Variants in GAPVD1 observed in about 807,000 individuals in gnomAD.
GAPVD1 encodes GTPase activating protein and VPS9 domains 1.
Under a neutral mutation model 155.5 loss-of-function variants are expected in GAPVD1, and 35 were observed. The observed-to-expected ratio is 0.23, with a 90% CI of 0.17 to 0.30. The LOEUF (loss-of-function observed/expected upper bound fraction) is 0.30. Ranked by LOEUF, GAPVD1 falls within the 10% of genes least tolerant of loss-of-function variation. The pLI, the probability that GAPVD1 is intolerant of heterozygous loss-of-function variation, is 1.00. For missense variants in GAPVD1, 1,429 were observed against 1,775.7 expected (o/e 0.80, Z 3.51); for synonymous variants, 636 against 619.7 (o/e 1.03, Z -0.39).
At chr9:125,328,792 C>T (rs1845599757) in intron 12 of GAPVD1, among the ~76,000 whole-genome samples, 1 of 151,600 alleles carries the variant, frequency 6.6e-6, no homozygotes, top group Admixed American at 6.6e-5. Context: ...CAGAGGCGCC[C>T]CTCACCTCCC....
chr9:125,306,955 C>T (rs918707123), intron 6 of GAPVD1, among the ~76,000 whole-genome samples: 1 of 152,062 alleles, frequency 6.6e-6, no homozygotes, highest in African/African-American at 2.4e-5. Context: ...CATGGTGAAA[C>T]CCCATCTCTA....
At chr9:125,315,834 T>C (rs542821983) in intron 9 of GAPVD1, among the ~76,000 whole-genome samples, 2 of 152,162 alleles carry the variant, frequency 1.3e-5, no homozygotes, top group South Asian at 2.1e-4. Flanking sequence ...GGGCTGGTCA[T>C]GTGCTCAGGA....
At chr9:125,300,809 T>TA (rs1000943206) in intron 4 of GAPVD1, among the ~76,000 whole-genome samples, 36 of 145,302 alleles carry the variant, frequency 2.5e-4, no homozygotes, top group Middle Eastern at 3.5e-3. Context: ...AAAATGAGTT[T>TA]AAAAAAAAAA....
intron 11 of GAPVD1, 29 bp from the exon 12 acceptor site, chr9:125,326,387 T>A: frequency 6.6e-7 from 1 of 1,523,380 alleles, no homozygotes; most frequent in Admixed American, 1.7e-5. Context: ...TGCTACTATT[T>A]TAAAAGTGCT....
rs1247857711 is a variant in GAPVD1 at position 125,302,533 on chromosome 9, A to G, written c.736A>G (p.Lys246Glu). ...GAAGGGCTCAGATAGATTCAGGCAA[A>G]AAGTTCAAGAAATGGTGGAGTCCAA... ...GEKGSDRFRQ[K>E]VQEMVESNEA... The change falls in exon 5 of 28, where the codon AAA becomes GAA. Residue 246 changes from lysine to glutamate, a missense_variant. Around this residue, in one of 4 missense-constraint regions of GAPVD1, gnomAD observed 628 missense variants for 733.4 expected, o/e 0.86. Coordinates refer to ENST00000297933, the MANE Select transcript of GAPVD1 (RefSeq NM_001282680.3). 6.2e-7 allele frequency: 1 copy of G among 1,614,064 alleles called. No homozygotes were observed. Among genetic ancestry groups the G allele is most frequent in the South Asian group, 1.1e-5 (1 of 91,082 alleles).
Position 125,350,880 on chromosome 9 carries a change from AC to A in GAPVD1, c.3569+12del. 1 of 1,599,968 alleles carries A rather than the reference AC, an allele frequency of 6.3e-7. No homozygotes were observed. Among genetic ancestry groups the A allele is most frequent in the Non-Finnish European group, 8.5e-7 (1 of 1,173,464 alleles). On this transcript the variant is annotated intron_variant, in intron 23 of 27. Transcript: ENST00000297933. ...GATTGCTGAGGACTACAGGTAATATACCCCACCTGTTCAGCTTTTAAACCTA... is the reference window on the plus strand; with the variant it reads ...GATTGCTGAGGACTACAGGTAATATACCCACCTGTTCAGCTTTTAAACCTA...
At chr9:125,285,117 A>G (rs1003096687) in intron 2 of GAPVD1, among the ~76,000 whole-genome samples, 2 of 152,342 alleles carry the variant, frequency 1.3e-5, no homozygotes, top group East Asian at 3.9e-4. Flanking sequence ...CTTGTGGGCC[A>G]CATGGACTGT....
At chr9:125,295,341 C>T (rs1839664941) in intron 2 of GAPVD1, 117 bp from the exon 3 acceptor site, 1 of 151,834 alleles carries the variant, frequency 6.6e-6, no homozygotes, top group African/African-American at 2.4e-5. Flanking sequence ...TTCCTGGTGA[C>T]CCTGAACTCC....
chr9:125,276,843 C>T (rs1424445966), intron 2 of GAPVD1, among the ~76,000 whole-genome samples: 1 of 152,152 alleles, frequency 6.6e-6, no homozygotes, highest in Non-Finnish European at 1.5e-5. Flanking sequence ...ACAGCAGCCT[C>T]AAACTCATGG....
intron 27 of GAPVD1, 49 bp from the exon 28 acceptor site, chr9:125,362,557 A>C: frequency 6.9e-7 from 1 of 1,440,364 alleles, no homozygotes; most frequent in Non-Finnish European, 9.4e-7. Flanking sequence ...ATTTTGGCAG[A>C]GCTATGACAT....
At chr9:125,308,948 CTGTT>C (rs1389278267) in intron 8 of GAPVD1, 1 of 152,170 alleles carries the variant, frequency 6.6e-6, no homozygotes, top group Admixed American at 6.5e-5. Context: ...CAGGTGAAGT[CTGTT>C]TGCACTTTGT....
intron 3 of GAPVD1, among the ~76,000 whole-genome samples, chr9:125,296,358 G>GTTTTTTTTTTTTTTTTTT (rs1554758517): frequency 8.2e-6 from 1 of 121,750 alleles, no homozygotes; most frequent in African/African-American, 3.5e-5. Flanking sequence ...TAGTTCTTAG[G>GTTTTTTTTTTTTTTTTTT]TTTTTTTTTT....
At chr9:125,326,084 C>G (rs1249389173) in intron 11 of GAPVD1, among the ~76,000 whole-genome samples, 1 of 152,172 alleles carries the variant, frequency 6.6e-6, no homozygotes, top group African/African-American at 2.4e-5. Flanking sequence ...CTTCAGTTAT[C>G]CACTGGAGGC....
chr9:125,265,924 TAAA>T (rs1294990326), intron 1 of GAPVD1, among the ~76,000 whole-genome samples: 2 of 72,690 alleles, frequency 2.8e-5, no homozygotes, highest in South Asian at 4.0e-4. Context: ...AAAAAATTTA[TAAA>T]AAAAAAAAAA....
Position 125,337,477 on chromosome 9 carries a change from T to G in GAPVD1, c.2763T>G (p.Arg921=). The G allele has an allele frequency of 6.2e-7, 1 of 1,614,188 alleles. No individual in the cohort carries two copies. The highest frequency in any genetic ancestry group is 8.5e-7 in the Non-Finnish European group (1 of 1,180,034). ...RPMSDPSWNR[R]PGNEERELPP... ...TGAGTGACCCCAGCTGGAACCGGCG[T>G]CCAGGAAATGAAGAGCGAGAACTCC... The change falls in exon 17 of 28, where the codon CGT becomes CGG. Residue 921 remains arginine, a synonymous_variant. Coordinates refer to ENST00000297933, the MANE Select transcript of GAPVD1 (RefSeq NM_001282680.3).
rs189051525 is a variant in GAPVD1, at chr9:125,330,745, C to A, written c.2173+527C>A. Among the ~76,000 whole-genome samples the A allele has an allele frequency of 7.7e-4, 117 of 152,314 alleles. 1 individual carries two copies. The highest frequency in any genetic ancestry group is 1.8e-3 in the Admixed American group (27 of 15,308). ...ATAGCATAGACTGTGATGGCAGGTG[C>A]TTTCAGACTCTGTGTTGAGTTATTT... On this transcript the variant is annotated intron_variant, in intron 13 of 27. Transcript: ENST00000297933.
intron 25 of GAPVD1, among the ~76,000 whole-genome samples, chr9:125,356,120 C>T (rs749797753): frequency 2.0e-5 from 3 of 152,188 alleles, no homozygotes; most frequent in Non-Finnish European, 4.4e-5. Flanking sequence ...AACTAATCTT[C>T]CCTTCCTTCT....
In GAPVD1 at chr9:125,298,273, C is replaced by G. The variant is rs184414010; in HGVS notation, c.-32-617C>G. ...AGAAAGAGCACAGTCAAGGATAACT[C>G]TGGGGTTAACAAATAGACATTGTAT... On this transcript the variant is annotated intron_variant, in intron 3 of 27. Transcript: ENST00000297933. 1.1e-3 allele frequency among the ~76,000 whole-genome samples: 161 copies of G among 152,206 alleles called. 1 individual carries two copies. Among genetic ancestry groups the G allele is most frequent in the African/African-American group, 3.8e-3 (159 of 41,526 alleles).
intron 19 of GAPVD1, among the ~76,000 whole-genome samples, chr9:125,343,183 A>T (rs1333005247): frequency 6.6e-6 from 1 of 151,594 alleles, no homozygotes; most frequent in Admixed American, 6.6e-5. Context: ...TATGAGATTT[A>T]TGCAGGAACC....
Sources: allele counts gnomAD v4.1 joint callset (sites outside exome capture counted in the v4.1 genomes callset), GRCh38; gene constraint gnomAD v4.1.1; regional missense constraint gnomAD v4.1.1; transcripts MANE v1.5; gene names NCBI Gene and HGNC (gene_info 2026-07-23, HGNC 2026-07-21).